IWS1: variants seen among roughly 807,000 people sequenced by gnomAD.
IWS1 encodes interacts with SUPT6H, CTD assembly factor 1, also known as protein IWS1 homolog.
A neutral mutation model predicts 86.7 loss-of-function variants in IWS1; 27 were observed. That is an observed-to-expected ratio of 0.31 (90% CI 0.23 to 0.43). IWS1 has a LOEUF of 0.43. Among genes scored for constraint, IWS1 ranks in the 20% least tolerant of loss-of-function variants. The probability of loss-of-function intolerance (pLI) is 1.00; values close to 1 mark genes in which losing one functional copy is unlikely to be tolerated. For synonymous variants in IWS1, 313 were observed against 335.1 expected (o/e 0.93, Z 0.72); for missense variants, 827 against 1,000.8 (o/e 0.83, Z 2.34).
At chr2:127,507,119 T>C (rs557881588) in intron 2 of IWS1, among the ~76,000 whole-genome samples, 1 of 152,300 alleles carries the variant, frequency 6.6e-6, no homozygotes, top group South Asian at 2.1e-4. Flanking sequence ...GAGCCTTTAA[T>C]AATATATATG....
At position 127,499,741 on chromosome 2, in the gene IWS1, T is replaced by C. The variant is rs953612609; in HGVS notation, c.1468-1504A>G. Among the ~76,000 whole-genome samples the C allele has an allele frequency of 6.6e-6, 1 of 150,980 alleles. No individual in the cohort carries two copies. Among genetic ancestry groups the C allele is most frequent in the Non-Finnish European group, 1.5e-5 (1 of 68,024 alleles). On this transcript the variant is annotated intron_variant, in intron 5 of 13. Transcript: ENST00000295321. This position sits in a 1 kb window ranked among gnomAD's most constrained non-coding sequence, Gnocchi z 4.0. Reference sequence around the variant, plus strand: ...CACTCTCTATTGCATTGGTTAAAAATAAGTATTGTTTTTTTTTTGACCCAA... The same window carrying C: ...CACTCTCTATTGCATTGGTTAAAAACAAGTATTGTTTTTTTTTTGACCCAA...
chr2:127,523,770 A>G lies in IWS1; in HGVS notation c.56T>C (p.Val19Ala), dbSNP rs1446285788. 3 of 1,613,108 alleles carry G rather than the reference A, an allele frequency of 1.9e-6. No individual in the cohort carries two copies. Among genetic ancestry groups the G allele is most frequent in the Admixed American group, 3.4e-5 (2 of 59,636 alleles). Residue 19 changes from valine to alanine, a missense_variant, in exon 2 of 14, where the codon GTA (valine) becomes GCA (alanine). By Grantham distance (64) the Val-to-Ala change is moderately conservative. Transcript: ENST00000295321. ...DQSDDGGATP[V>A]QDERDSGSDG... ...TGACCCTGAATCCCGTTCATCCTGT[A>G]CTGGGGTAGCACCACCATCATCTGA...
intron 12 of IWS1, among the ~76,000 whole-genome samples, chr2:127,487,716 A>G (rs943696997): frequency 1.3e-5 from 2 of 152,052 alleles, no homozygotes; most frequent in African/African-American, 4.8e-5. Context: ...ACGTCCAGCT[A>G]ATTTTTTGTA....
chr2:127,509,759 C>A (rs774687869), intron 2 of IWS1, among the ~76,000 whole-genome samples: 8 of 143,890 alleles, frequency 5.6e-5, no homozygotes, highest in Non-Finnish European at 9.1e-5. Flanking sequence ...ATACCTCCTT[C>A]TTAGCCATCA....
At chr2:127,491,399 C>G (rs1022119693) in intron 10 of IWS1, among the ~76,000 whole-genome samples, 1 of 152,162 alleles carries the variant, frequency 6.6e-6, no homozygotes, top group Non-Finnish European at 1.5e-5. Context: ...CCCTCTCTTT[C>G]TCCATGCTCT....
intron 2 of IWS1, 56 bp downstream of exon 2, chr2:127,523,620 C>A: frequency 9.1e-7 from 1 of 1,094,676 alleles, no homozygotes; most frequent in Admixed American, 1.9e-5. Context: ...TATAATATAA[C>A]AGATCTCACA....
chr2:127,496,768 G>T (rs1399814342), intron 6 of IWS1, among the ~76,000 whole-genome samples: 1 of 152,008 alleles, frequency 6.6e-6, no homozygotes, highest in African/African-American at 2.4e-5. Flanking sequence ...GACAGGGAGG[G>T]CCTCACTATA....
chr2:127,482,684 C>A (rs1689696016), intron 13 of IWS1: 1 of 152,192 alleles, frequency 6.6e-6, no homozygotes, highest in East Asian at 1.9e-4. Context: ...ATCTGTCTAG[C>A]CTCAGCAATC....
At chr2:127,491,447 A>AT (rs11352966) in intron 10 of IWS1, among the ~76,000 whole-genome samples, 13 of 147,790 alleles carry the variant, frequency 8.8e-5, no homozygotes, top group Non-Finnish European at 1.0e-4. Context: ...TTTACTTGCA[A>AT]TTTTTTTTTT....
chr2:127,512,248 G>C (rs1479883856), intron 2 of IWS1, among the ~76,000 whole-genome samples: 1 of 152,082 alleles, frequency 6.6e-6, no homozygotes, highest in East Asian at 1.9e-4. Context: ...AAACCACACA[G>C]CTAATTGGCA....
At chr2:127,510,659 ATTT>A (rs1225878539) in intron 2 of IWS1, among the ~76,000 whole-genome samples, 1 of 144,756 alleles carries the variant, frequency 6.9e-6, no homozygotes, top group Non-Finnish European at 1.5e-5. Flanking sequence ...CGTCCGGATA[ATTT>A]TTTTTTTTTT....
At chr2:127,517,596 G>C (rs151171402) in intron 2 of IWS1, among the ~76,000 whole-genome samples, 10 of 152,314 alleles carry the variant, frequency 6.6e-5, no homozygotes, top group African/African-American at 2.4e-4. Flanking sequence ...AGAGTATGGA[G>C]AAATCAGAAC....
intron 8 of IWS1, chr2:127,494,396 C>T (rs982179797): frequency 6.6e-6 from 1 of 152,496 alleles, no homozygotes; most frequent in Admixed American, 6.5e-5. Context: ...GTAGGATCTT[C>T]CAAGATTTAC....
rs558416528 is a variant in IWS1, at chr2:127,481,101, T to C, written c.2403A>G (p.Lys801=). Residue 801 remains lysine, a synonymous_variant, in exon 14 of 14, where the codon AAA becomes AAG. Coordinates refer to ENST00000295321, the MANE Select transcript of IWS1 (RefSeq NM_017969.3). ...QMRKFTDIRK[K]SRSAHAVKIS... ...TTTTCACTGCGTGTGCAGATCTGCTTTTTTTCCTTATATCTGTGAACTTTC... is the reference window on the plus strand; with the variant it reads ...TTTTCACTGCGTGTGCAGATCTGCTCTTTTTCCTTATATCTGTGAACTTTC... 1.9e-5 allele frequency: 31 copies of C among 1,612,968 alleles called. No homozygotes were observed. The Admixed American group carries it at 4.4e-4, about 23-fold the overall frequency.
chr2:127,484,138 T>C (rs972725012), intron 13 of IWS1, among the ~76,000 whole-genome samples: 1 of 151,944 alleles, frequency 6.6e-6, no homozygotes, highest in Admixed American at 6.6e-5. Context: ...ACCCCATCTC[T>C]ACTAAAAATA....
chr2:127,515,300 C>T (rs1188120504), intron 2 of IWS1, among the ~76,000 whole-genome samples: 2 of 152,132 alleles, frequency 1.3e-5, no homozygotes, highest in Admixed American at 6.5e-5. Context: ...AACCAAGATG[C>T]TAAATGTCCT....
rs551394433 is a variant in IWS1, at chr2:127,485,856, A to G, written c.2328+697T>C. The G allele has an allele frequency of 7.9e-5, 12 of 152,500 alleles. No homozygotes were observed. The South Asian group carries it at 1.9e-3, about 24-fold the overall frequency. The allele number at this position is 152,500 out of a possible 1,614,324, so 9.4% of individuals were successfully genotyped here. On this transcript the variant is annotated intron_variant, in intron 13 of 13. Transcript: ENST00000295321. ...GACAATTCAAGCCCATGCACAGTACATGCTTCCTTGGGAATACCTCTCGTG... is the reference window on the plus strand; with the variant it reads ...GACAATTCAAGCCCATGCACAGTACGTGCTTCCTTGGGAATACCTCTCGTG...
intron 5 of IWS1, among the ~76,000 whole-genome samples, chr2:127,500,772 G>A (rs1295175393): frequency 6.6e-6 from 1 of 151,972 alleles, no homozygotes; most frequent in Non-Finnish European, 1.5e-5. Flanking sequence ...CTTTCTAATT[G>A]TCCCTTGTCC....
chr2:127,483,645 T>C (rs1176151310), intron 13 of IWS1, among the ~76,000 whole-genome samples: 2 of 135,836 alleles, frequency 1.5e-5, no homozygotes, highest in Non-Finnish European at 3.2e-5. Context: ...TGTGTGTGTG[T>C]GTGTTTTCTA....
Sources: gnomAD v4.1 joint callset for allele counts (sites outside exome capture counted in the v4.1 genomes callset) on GRCh38, gnomAD v4.1.1 for gene constraint, Gnocchi (gnomAD v3.1) non-coding constraint, MANE v1.5 for transcripts, NCBI Gene and HGNC (gene_info 2026-07-23, HGNC 2026-07-21) for gene names.